The following RIMS1 variants were observed in gnomAD, a reference collection of about 807,000 sequenced individuals.
RIMS1 encodes regulating synaptic membrane exocytosis protein 1.
Under a neutral mutation model 214.1 loss-of-function variants are expected in RIMS1, and 83 were observed. That is an observed-to-expected ratio of 0.39 (90% confidence interval 0.32 to 0.47). The LOEUF (loss-of-function observed/expected upper bound fraction) is 0.47, where lower values mean the gene tolerates loss of function less well. Among genes scored for constraint, RIMS1 ranks in the 20% least tolerant of loss-of-function variants. RIMS1 has a pLI of 0.99. For missense variants in RIMS1, 2,050 were observed against 2,161.8 expected, an observed-to-expected ratio of 0.95 and a Z score of 1.03; for synonymous variants, 793 against 786.8, an observed-to-expected ratio of 1.01 and a Z score of -0.13.
chr6:71,968,226 T>C (rs1180394281), intron 1 of RIMS1, among the ~76,000 whole-genome samples: 1 of 152,226 alleles, frequency 6.6e-6, no homozygotes, highest in Non-Finnish European at 1.5e-5. Flanking sequence ...TTCTGATTTC[T>C]GCCAATAAAT....
chr6:72,390,626 C>G lies in RIMS1; in HGVS notation c.4395C>G (p.Thr1465=). ...TESGHKKLKS[T]IQRSTETGMA... Reference sequence around the variant, plus strand: ...CGGGCCACAAAAAGTTAAAAAGTACCATCCAGAGAAGCACAGAAACAGGCA... The same window carrying G: ...CGGGCCACAAAAAGTTAAAAAGTACGATCCAGAGAAGCACAGAAACAGGCA... Residue 1465 remains threonine (T), a synonymous_variant, in exon 30 of 34, where the codon ACC becomes ACG. Transcript: ENST00000521978. 6.2e-7 allele frequency: 1 copy of G among 1,613,584 alleles called. No individual in the cohort carries two copies. Among genetic ancestry groups the G allele is most frequent in the South Asian group, 1.1e-5 (1 of 91,042 alleles).
At chr6:72,323,647 C>T (rs2096285600) in intron 28 of RIMS1, among the ~76,000 whole-genome samples, 1 of 151,736 alleles carries the variant, frequency 6.6e-6, no homozygotes, top group Non-Finnish European at 1.5e-5. Flanking sequence ...ATGACAGAAG[C>T]AACACTTGAA....
intron 6 of RIMS1, among the ~76,000 whole-genome samples, chr6:72,220,119 T>A (rs2057898364): frequency 6.6e-6 from 1 of 152,126 alleles, no homozygotes; most frequent in Non-Finnish European, 1.5e-5. Context: ...TTTGATTTCC[T>A]AAGTGCCTGG....
intron 1 of RIMS1, among the ~76,000 whole-genome samples, chr6:71,924,851 T>A (rs1168872360): frequency 6.7e-6 from 1 of 149,698 alleles, no homozygotes; most frequent in Non-Finnish European, 1.5e-5. Context: ...AAGAAAATAT[T>A]GCTAAAAAAT....
intron 2 of RIMS1, among the ~76,000 whole-genome samples, chr6:71,999,027 G>GT (rs1208376859): frequency 1.3e-5 from 2 of 151,988 alleles, no homozygotes; most frequent in African/African-American, 4.8e-5. Flanking sequence ...TGCAATTCAA[G>GT]TTAGGATATT....
intron 19 of RIMS1, 200 bp downstream of exon 19, chr6:72,260,967 GCCA>G: frequency 7.4e-7 from 1 of 1,357,490 alleles, no homozygotes; most frequent in Non-Finnish European, 9.6e-7. Context: ...TGACTGCTTT[GCCA>G]TCTGTAGATT....
intron 2 of RIMS1, among the ~76,000 whole-genome samples, chr6:71,972,853 A>T (rs559997724): frequency 3.3e-5 from 5 of 152,338 alleles, no homozygotes; most frequent in African/African-American, 1.2e-4. Context: ...AAAATGATTT[A>T]TTCTGTTTGG....
chr6:72,167,966 G>A (rs1267408158), intron 4 of RIMS1, among the ~76,000 whole-genome samples: 1 of 149,546 alleles, frequency 6.7e-6, no homozygotes, highest in Non-Finnish European at 1.5e-5. Context: ...TCTTCTTTAT[G>A]TGATTTTTGG....
intron 4 of RIMS1, among the ~76,000 whole-genome samples, chr6:72,132,872 A>G (rs1247580485): frequency 2.0e-5 from 3 of 152,192 alleles, no homozygotes; most frequent in Non-Finnish European, 1.5e-5. Flanking sequence ...TGAAAAACAG[A>G]TATTTTTGGA....
At chr6:72,277,655 G>A (rs773211318) in intron 23 of RIMS1, among the ~76,000 whole-genome samples, 1 of 151,686 alleles carries the variant, frequency 6.6e-6, no homozygotes, top group South Asian at 2.1e-4. Context: ...ACATAAATTT[G>A]GAATCCCAGG....
intron 23 of RIMS1, among the ~76,000 whole-genome samples, chr6:72,283,782 A>G (rs1317476693): frequency 6.6e-6 from 1 of 152,180 alleles, no homozygotes; most frequent in Non-Finnish European, 1.5e-5. Flanking sequence ...TCATTGTTGT[A>G]GACGTACTTG....
intron 7 of RIMS1, 32 bp from the exon 8 acceptor site, chr6:72,235,586 A>G (rs759538381): frequency 1.9e-5 from 26 of 1,388,496 alleles, no homozygotes; most frequent in Middle Eastern, 1.8e-4. Flanking sequence ...TTCTGTATAT[A>G]TTACTTTTTA....
At chr6:72,170,024 G>A (rs531165112) in intron 4 of RIMS1, among the ~76,000 whole-genome samples, 1 of 152,212 alleles carries the variant, frequency 6.6e-6, no homozygotes, top group South Asian at 2.1e-4. Flanking sequence ...TACTGGGTCT[G>A]ACTCATTACT....
intron 22 of RIMS1, among the ~76,000 whole-genome samples, chr6:72,271,612 C>T (rs1054132130): frequency 1.3e-4 from 20 of 151,994 alleles, no homozygotes; most frequent in African/African-American, 4.3e-4. Flanking sequence ...TAATAATACA[C>T]ATATACATTT....
intron 23 of RIMS1, among the ~76,000 whole-genome samples, chr6:72,277,848 G>A (rs2087467887): frequency 6.6e-6 from 1 of 152,102 alleles, no homozygotes; most frequent in South Asian, 2.1e-4. Flanking sequence ...ATTAAATGTA[G>A]ATTGAGTTGT....
intron 1 of RIMS1, among the ~76,000 whole-genome samples, chr6:71,939,677 A>G (rs1198980093): frequency 1.3e-5 from 2 of 152,200 alleles, no homozygotes; most frequent in African/African-American, 4.8e-5. Flanking sequence ...AGAGACAAAG[A>G]GGGATAAAGG....
rs552585116 is a variant in RIMS1 at position 72,097,174 on chromosome 6, A to G, written c.459+12A>G. Reference sequence around the variant, plus strand: ...TACGGTCAAACAACGTGAGTATTCCATGAACATAAGGGGCGTTGTGAATGT... The same window carrying G: ...TACGGTCAAACAACGTGAGTATTCCGTGAACATAAGGGGCGTTGTGAATGT... On this transcript the variant is annotated intron_variant, in intron 3 of 33. Transcript: ENST00000521978. 1.4e-4 allele frequency: 226 copies of G among 1,611,564 alleles called. 2 individuals are homozygous for G. In the South Asian group the frequency reaches 2.3e-3, roughly 16 times the overall value.
intron 2 of RIMS1, among the ~76,000 whole-genome samples, chr6:72,040,960 C>T (rs1240104328): frequency 6.6e-6 from 1 of 151,842 alleles, no homozygotes; most frequent in Non-Finnish European, 1.5e-5. Context: ...ATCTGGCGAT[C>T]GTTTCAGATG....
intron 2 of RIMS1, among the ~76,000 whole-genome samples, chr6:72,064,336 AG>A (rs1195112268): frequency 1.3e-5 from 2 of 150,818 alleles, no homozygotes; most frequent in South Asian, 2.1e-4. Flanking sequence ...AAAGAAAGAG[AG>A]AGAGAGAGAG....
Sources: allele counts gnomAD v4.1 joint callset (sites outside exome capture counted in the v4.1 genomes callset), GRCh38; gene constraint gnomAD v4.1.1; transcripts MANE v1.5; gene names NCBI Gene and HGNC (gene_info 2026-07-23, HGNC 2026-07-21).